The following ITGB8 variants were observed in gnomAD, a reference collection of about 807,000 sequenced individuals.
ITGB8 encodes integrin subunit beta 8, also known as integrin beta-8.
In ITGB8, 30 loss-of-function variants were observed where a neutral mutation model predicts 89.5. That is an observed-to-expected ratio of 0.34 (90% CI 0.25 to 0.45). The LOEUF (loss-of-function observed/expected upper bound fraction) is 0.45, where lower values mean the gene tolerates loss of function less well. Ranked by LOEUF, ITGB8 falls within the 20% of genes least tolerant of loss-of-function variation. The pLI is 1.00. For missense variants in ITGB8, 836 were observed against 933.3 expected (o/e 0.90, Z 1.36); for synonymous variants, 335 against 320.4 (o/e 1.05, Z -0.49).
chr7:20,358,769 T>C (rs1302733051), intron 1 of ITGB8, among the ~76,000 whole-genome samples: 3 of 152,190 alleles, frequency 2.0e-5, no homozygotes, highest in Non-Finnish European at 4.4e-5. Context: ...TTACCTGGTA[T>C]ATTGCATGAT....
intron 3 of ITGB8, among the ~76,000 whole-genome samples, chr7:20,373,866 G>A (rs988015118): frequency 3.9e-5 from 6 of 151,996 alleles, no homozygotes; most frequent in Non-Finnish European, 7.4e-5. Flanking sequence ...AGTCATGTTC[G>A]TTGTGCCCAG....
In ITGB8 at chr7:20,331,739, C is replaced by T; in HGVS notation, c.-68C>T. The T allele has an allele frequency of 2.0e-6, 3 of 1,524,300 alleles. No individual in the cohort carries two copies. Among genetic ancestry groups the T allele is most frequent in the Non-Finnish European group, 2.6e-6 (3 of 1,134,958 alleles). The allele number at this position is 1,524,300 out of a possible 1,614,324, so 94.4% of individuals were successfully genotyped here. On this transcript the variant is annotated 5_prime_UTR_variant, in exon 1 of 14. Transcript: ENST00000222573. ...CTCGGCCCGCGGGCCCCGAGGTGCG[C>T]CCGGGAGGCGCGAGCCCGCGTCCGG...
At chr7:20,369,803 A>G (rs1785853875) in intron 3 of ITGB8, among the ~76,000 whole-genome samples, 1 of 152,202 alleles carries the variant, frequency 6.6e-6, no homozygotes, top group Admixed American at 6.5e-5. Context: ...ACAAAATAAT[A>G]AATAAATATT....
intron 6 of ITGB8, among the ~76,000 whole-genome samples, chr7:20,389,526 A>G (rs1583524756): frequency 1.3e-5 from 2 of 152,320 alleles, no homozygotes; most frequent in Admixed American, 1.3e-4. Flanking sequence ...GTGCCACTTA[A>G]ATATTGATTT....
At chr7:20,384,528 A>G (rs1428530431) in intron 6 of ITGB8, among the ~76,000 whole-genome samples, 1 of 152,210 alleles carries the variant, frequency 6.6e-6, no homozygotes, top group Non-Finnish European at 1.5e-5. Flanking sequence ...CAACTCTATA[A>G]GGTAGTCATA....
At chr7:20,397,906 A>T (rs1787152636) in intron 8 of ITGB8, among the ~76,000 whole-genome samples, 1 of 152,116 alleles carries the variant, frequency 6.6e-6, no homozygotes, top group Non-Finnish European at 1.5e-5. Context: ...TTCTTTTCAT[A>T]ACCCGCTGCT....
At chr7:20,407,912 CT>C (rs1787609252) in intron 12 of ITGB8, among the ~76,000 whole-genome samples, 1 of 152,190 alleles carries the variant, frequency 6.6e-6, no homozygotes, top group Admixed American at 6.5e-5. Context: ...GCCCTCTGTT[CT>C]AACCTATTAG....
chr7:20,374,487 TAAA>T (rs11452686), intron 3 of ITGB8, among the ~76,000 whole-genome samples: 1 of 141,412 alleles, frequency 7.1e-6, no homozygotes, highest in Admixed American at 7.1e-5. Flanking sequence ...TCTTAGCTGC[TAAA>T]AAAAAAAAAA....
chr7:20,376,920 C>T (rs150542127), intron 3 of ITGB8, among the ~76,000 whole-genome samples: 4 of 152,308 alleles, frequency 2.6e-5, no homozygotes, highest in African/African-American at 4.8e-5. Context: ...AATCCAAAAT[C>T]GAGCCACAGC....
chr7:20,356,872 T>C (rs1388453650), intron 1 of ITGB8, among the ~76,000 whole-genome samples: 3 of 54,550 alleles, frequency 5.5e-5, no homozygotes, highest in African/African-American at 2.0e-4. Flanking sequence ...ACTTCTACTG[T>C]CCTTTTTAGT....
intron 1 of ITGB8, among the ~76,000 whole-genome samples, chr7:20,337,461 A>G (rs567323900): frequency 4.6e-4 from 70 of 152,306 alleles, no homozygotes; most frequent in Admixed American, 1.2e-3. Context: ...AACAACGATT[A>G]AGTTTTGTGT....
In ITGB8 at chr7:20,350,320, G is replaced by A. The variant is rs188068580; in HGVS notation, c.128-13317G>A. On this transcript the variant is annotated intron_variant, in intron 1 of 13. Coordinates refer to ENST00000222573, the MANE Select transcript of ITGB8 (RefSeq NM_002214.3). ...CCGCCACCATGTCCGGCTAATTTTT[G>A]TATTTTTAGTAGAGACGGGGTTTTG... Among the ~76,000 whole-genome samples, 154 of 152,204 alleles carry A rather than the reference G, an allele frequency of 1.0e-3. No homozygotes were observed. In the Middle Eastern group the frequency reaches 0.01, roughly 10 times the overall value.
At chr7:20,397,835 T>C (rs1268921492) in intron 8 of ITGB8, among the ~76,000 whole-genome samples, 2 of 152,220 alleles carry the variant, frequency 1.3e-5, no homozygotes, top group Non-Finnish European at 2.9e-5. Context: ...TCTTTGTTGA[T>C]TATACCATTG....
Position 20,410,244 on chromosome 7 carries a change from T to C in ITGB8, c.*247T>C. 1 of 433,572 alleles carries C rather than the reference T, an allele frequency of 2.3e-6. No individual in the cohort carries two copies. The highest frequency in any genetic ancestry group is 4.2e-6 in the Non-Finnish European group (1 of 239,210). The allele number at this position is 433,572 out of a possible 1,614,324, so 26.9% of individuals were successfully genotyped here. On this transcript the variant is annotated 3_prime_UTR_variant, in exon 14 of 14. Transcript: ENST00000222573. ...GTCGTTGTAGCACTTTACTGTAATA[T>C]ATAACTTATTTAGATCAGCATAGAA...
At chr7:20,348,125 G>A (rs927881730) in intron 1 of ITGB8, among the ~76,000 whole-genome samples, 1 of 152,140 alleles carries the variant, frequency 6.6e-6, no homozygotes, top group Non-Finnish European at 1.5e-5. Context: ...ATAATATAAT[G>A]GTAAAGTTAG....
intron 1 of ITGB8, among the ~76,000 whole-genome samples, chr7:20,333,945 A>G (rs1287248996): frequency 1.3e-5 from 2 of 152,220 alleles, no homozygotes; most frequent in Admixed American, 6.5e-5. Context: ...TTAAAGCAGA[A>G]TAGAAATTTA....
chr7:20,373,294 G>C (rs1484407410), intron 3 of ITGB8, among the ~76,000 whole-genome samples: 10 of 151,932 alleles, frequency 6.6e-5, no homozygotes, highest in Admixed American at 1.3e-4. Flanking sequence ...TTTCACTTAT[G>C]AATCTTATGG....
chr7:20,363,789 A>G (rs1293690927), intron 2 of ITGB8, 67 bp downstream of exon 2: 1 of 901,616 alleles, frequency 1.1e-6, no homozygotes, highest in Admixed American at 3.1e-5. Context: ...CATTTTCCTA[A>G]TATTCTGTGC....
chr7:20,372,225 T>C (rs1215394912), intron 3 of ITGB8, among the ~76,000 whole-genome samples: 1 of 152,212 alleles, frequency 6.6e-6, no homozygotes, highest in Non-Finnish European at 1.5e-5. Context: ...TTACAAATAA[T>C]TTATACACTT....
Sources: allele counts gnomAD v4.1 joint callset (sites outside exome capture counted in the v4.1 genomes callset), GRCh38; gene constraint gnomAD v4.1.1; transcripts MANE v1.5; gene names NCBI Gene and HGNC (gene_info 2026-07-23, HGNC 2026-07-21).